Variants in SSH2 observed in about 807,000 individuals in gnomAD.
SSH2 encodes protein phosphatase Slingshot homolog 2.
Under a neutral mutation model 135.2 loss-of-function variants are expected in SSH2, and 37 were observed. That is an observed-to-expected ratio of 0.27 (90% CI 0.21 to 0.36). SSH2 has a LOEUF of 0.36. Among genes scored for constraint, SSH2 ranks in the 10% least tolerant of loss-of-function variants. SSH2 has a pLI of 1.00. For missense variants in SSH2, 1,408 were observed against 1,765.3 expected (o/e 0.80, Z 3.63); for synonymous variants, 628 against 646.2 (o/e 0.97, Z 0.43).
At chr17:29,914,948 G>A (rs1356880102) in intron 1 of SSH2, among the ~76,000 whole-genome samples, 1 of 152,062 alleles carries the variant, frequency 6.6e-6, no homozygotes, top group African/African-American at 2.4e-5. Flanking sequence ...AGTTACAAAT[G>A]ATCTGTTTTA....
intron 6 of SSH2, 43 bp from the exon 7 acceptor site, chr17:29,677,784 T>G (rs2037792325): frequency 6.7e-7 from 1 of 1,493,806 alleles, no homozygotes; most frequent in Non-Finnish European, 9.3e-7. Context: ...CCCATTACTC[T>G]GGGAAGCAGT....
chr17:29,655,413 T>C, intron 12 of SSH2, 148 bp downstream of exon 12: 2 of 815,400 alleles, frequency 2.5e-6, no homozygotes, highest in South Asian at 3.1e-5. Context: ...CAGCTATTTT[T>C]ATTTTTCTTA....
intron 13 of SSH2, among the ~76,000 whole-genome samples, chr17:29,649,893 T>A (rs1280397968): frequency 6.6e-6 from 1 of 152,262 alleles, no homozygotes; most frequent in Admixed American, 6.5e-5. Context: ...AAGAACTTCC[T>A]GACCGTGAAG....
chr17:29,761,523 C>T (rs1034835805), intron 3 of SSH2: 2 of 781,880 alleles, frequency 2.6e-6, no homozygotes, highest in Non-Finnish European at 3.1e-6. Flanking sequence ...GCCGGCGCCC[C>T]GCCCCAGATC....
chr17:29,711,680 CA>C (rs1057357655), intron 3 of SSH2, among the ~76,000 whole-genome samples: 16 of 152,122 alleles, frequency 1.1e-4, no homozygotes, highest in Non-Finnish European at 5.9e-5. Flanking sequence ...TCTGGAACTG[CA>C]AGGGGTTTTG....
chr17:29,686,028 A>C (rs2038204000), intron 5 of SSH2, among the ~76,000 whole-genome samples: 1 of 151,278 alleles, frequency 6.6e-6, no homozygotes, highest in South Asian at 2.1e-4. Flanking sequence ...TTGTATTTTT[A>C]TTAGAGACGG....
intron 11 of SSH2, among the ~76,000 whole-genome samples, chr17:29,663,410 A>T (rs1299290193): frequency 6.6e-6 from 1 of 152,234 alleles, no homozygotes; most frequent in Admixed American, 6.5e-5. Flanking sequence ...GACTCAATGG[A>T]GAAGAGATAG....
intron 1 of SSH2, among the ~76,000 whole-genome samples, chr17:29,872,976 A>G (rs1054410839): frequency 1.7e-4 from 26 of 152,096 alleles, no homozygotes; most frequent in Admixed American, 1.5e-3. Context: ...AGCCTGGGCA[A>G]CAGAGTGAAA....
intron 1 of SSH2, among the ~76,000 whole-genome samples, chr17:29,901,878 G>A (rs2066563232): frequency 6.6e-6 from 1 of 151,956 alleles, no homozygotes; most frequent in Non-Finnish European, 1.5e-5. Context: ...TGAACTCCTG[G>A]GCTCAAATGA....
intron 3 of SSH2, among the ~76,000 whole-genome samples, chr17:29,743,412 G>GT (rs11395406): frequency 0.47 from 70,567 of 149,698 alleles, 16,743 homozygotes; most frequent in Non-Finnish European, 0.51. Context: ...GGCTAGATTT[G>GT]TTTTTTTTTT....
At chr17:29,663,108 A>G (rs2037120080) in intron 11 of SSH2, among the ~76,000 whole-genome samples, 1 of 152,180 alleles carries the variant, frequency 6.6e-6, no homozygotes, top group South Asian at 2.1e-4. Context: ...CTTCCCACCA[A>G]TCAATTCTCT....
intron 1 of SSH2, among the ~76,000 whole-genome samples, chr17:29,878,463 T>C (rs919984603): frequency 1.3e-5 from 2 of 152,154 alleles, no homozygotes; most frequent in African/African-American, 2.4e-5. Flanking sequence ...GAGGGAATTA[T>C]GCATGGTTTA....
At position 29,626,174 on chromosome 17, in the gene SSH2, A is replaced by T. The variant is rs145171026; in HGVS notation, c.*4667T>A. On this transcript the variant is annotated 3_prime_UTR_variant, in exon 16 of 16. Transcript: ENST00000540801. ...TCCAGGGAGCACCTGCTTTAATAAA[A>T]CATGAGCATAAAAGTTTGGGGTGGC... 7.2e-5 allele frequency: 11 copies of T among 152,728 alleles called. No individual in the cohort carries two copies. The highest frequency in any genetic ancestry group is 2.6e-4 in the African/African-American group (11 of 41,568). The allele number at this position is 152,728 out of a possible 1,614,324, so 9.5% of individuals were successfully genotyped here. A position where few individuals can be genotyped will look rare whatever the true frequency, so the allele number is the denominator to read the frequency against.
intron 3 of SSH2, among the ~76,000 whole-genome samples, chr17:29,771,488 T>C (rs1421849358): frequency 6.6e-6 from 1 of 152,230 alleles, no homozygotes; most frequent in Non-Finnish European, 1.5e-5. Context: ...ATCAGTACAT[T>C]AATGATGGAA....
intron 3 of SSH2, among the ~76,000 whole-genome samples, chr17:29,755,605 C>T (rs2041087677): frequency 6.6e-6 from 1 of 151,920 alleles, no homozygotes; most frequent in Non-Finnish European, 1.5e-5. Context: ...AGTTTCCTTC[C>T]TAGGAGAGTC....
chr17:29,712,414 T>C lies in SSH2; in HGVS notation c.189-9352A>G, dbSNP rs113996773. 8.6e-3 allele frequency among the ~76,000 whole-genome samples: 1,312 copies of C among 152,350 alleles called. 22 individuals carry two copies. Among genetic ancestry groups the C allele is most frequent in the African/African-American group, 0.028 (1,162 of 41,580 alleles). ...ATTTGGGTGATGATTTTGAGATTTATTTTCCTTTCATATGTCTGTTCTCTA... is the reference window on the plus strand; with the variant it reads ...ATTTGGGTGATGATTTTGAGATTTACTTTCCTTTCATATGTCTGTTCTCTA... On this transcript the variant is annotated intron_variant, in intron 3 of 15. Transcript: ENST00000540801.
intron 1 of SSH2, among the ~76,000 whole-genome samples, chr17:29,909,650 CA>C (rs2066728887): frequency 6.6e-6 from 1 of 152,192 alleles, no homozygotes; most frequent in Non-Finnish European, 1.5e-5. Context: ...GTTGTACACA[CA>C]GATTCTTAGG....
At chr17:29,860,497 G>C (rs1202496750) in intron 1 of SSH2, among the ~76,000 whole-genome samples, 1 of 134,166 alleles carries the variant, frequency 7.5e-6, no homozygotes, top group African/African-American at 2.8e-5. Flanking sequence ...ATGGAGTACA[G>C]TGGTGCAATC....
intron 3 of SSH2, among the ~76,000 whole-genome samples, chr17:29,723,139 T>C (rs2039878196): frequency 6.6e-6 from 1 of 152,014 alleles, no homozygotes; most frequent in South Asian, 2.1e-4. Context: ...AGATATCCCA[T>C]CTCTGTGGGA....
Sources: gnomAD v4.1 joint callset for allele counts (sites outside exome capture counted in the v4.1 genomes callset) on GRCh38, gnomAD v4.1.1 for gene constraint, MANE v1.5 for transcripts, NCBI Gene and HGNC (gene_info 2026-07-23, HGNC 2026-07-21) for gene names.